Variants in NR2C1 observed in about 807,000 individuals in gnomAD.
NR2C1 encodes TR2 nuclear hormone receptor.
A neutral mutation model predicts 74.8 loss-of-function variants in NR2C1; 33 were observed. That is an observed-to-expected ratio of 0.44 (90% confidence interval 0.33 to 0.59). The LOEUF (loss-of-function observed/expected upper bound fraction) is 0.59. Among genes scored for constraint, NR2C1 ranks in the 20% least tolerant of loss-of-function variants. The pLI is 0.02. For missense variants in NR2C1, 568 were observed against 715.6 expected (o/e 0.79, Z 2.35); for synonymous variants, 225 against 240.6 (o/e 0.94, Z 0.60).
intron 12 of NR2C1, chr12:95,028,179 T>C (rs1232842910): frequency 6.4e-6 from 3 of 472,300 alleles, no homozygotes; most frequent in African/African-American, 4.1e-5. Flanking sequence ...CATTCTTGCA[T>C]AGATATATAT....
chr12:95,068,835 T>C (rs916666065), intron 1 of NR2C1, among the ~76,000 whole-genome samples: 1 of 147,152 alleles, frequency 6.8e-6, no homozygotes, highest in South Asian at 2.1e-4. Flanking sequence ...TGGTGGCGGG[T>C]GCCCGTAATC....
intron 9 of NR2C1, among the ~76,000 whole-genome samples, chr12:95,044,660 C>T (rs947285108): frequency 2.0e-5 from 3 of 151,844 alleles, no homozygotes; most frequent in South Asian, 4.2e-4. Context: ...CCGAGGTGGG[C>T]GGATCATTGG....
chr12:95,057,061 A>C (rs1006951606), intron 7 of NR2C1, among the ~76,000 whole-genome samples: 3 of 151,238 alleles, frequency 2.0e-5, no homozygotes, highest in African/African-American at 7.3e-5. Flanking sequence ...TTCATGTTGA[A>C]GGGATAATCA....
intron 3 of NR2C1, among the ~76,000 whole-genome samples, chr12:95,060,424 C>T (rs1330416513): frequency 1.3e-5 from 2 of 152,162 alleles, no homozygotes; most frequent in South Asian, 2.1e-4. Flanking sequence ...GAGGCTGAGG[C>T]GGGCAGATCA....
chr12:95,036,340 G>A (rs1449965535), intron 10 of NR2C1, among the ~76,000 whole-genome samples: 1 of 150,946 alleles, frequency 6.6e-6, no homozygotes, highest in Admixed American at 6.6e-5. Context: ...TGGGAGGCTC[G>A]GCTGGGAGAA....
At chr12:95,030,022 C>T (rs1335366400) in intron 11 of NR2C1, among the ~76,000 whole-genome samples, 1 of 152,080 alleles carries the variant, frequency 6.6e-6, no homozygotes, top group Admixed American at 6.6e-5. Flanking sequence ...TATAGGCATG[C>T]GCTACCATGG....
intron 9 of NR2C1, among the ~76,000 whole-genome samples, chr12:95,048,271 T>A (rs1872552968): frequency 6.6e-6 from 1 of 152,176 alleles, no homozygotes; most frequent in South Asian, 2.1e-4. Context: ...ATTAAGATGA[T>A]ACATAACAAA....
Position 95,049,039 on chromosome 12 carries a change from T to G in NR2C1, c.1131+29A>C, listed in dbSNP as rs76941968. ...TAGATCAAAATCAAGCAACACAACA[T>G]ACAAGTTAAAAAAAACATATAGAAA... is the stretch of plus-strand genomic sequence containing the variant. On this transcript the variant is annotated intron_variant, in intron 9 of 13. Transcript: ENST00000333003. 2.3e-3 allele frequency: 3,695 copies of G among 1,599,206 alleles called. 56 individuals carry two copies. In the African/African-American group the frequency reaches 0.043, roughly 19 times the overall value.
intron 10 of NR2C1, among the ~76,000 whole-genome samples, chr12:95,039,133 A>C (rs1871212322): frequency 6.6e-6 from 1 of 152,200 alleles, no homozygotes; most frequent in African/African-American, 2.4e-5. Flanking sequence ...AAGGACTAAC[A>C]ATCATTTTAA....
At chr12:95,047,728 G>A (rs756889307) in intron 9 of NR2C1, among the ~76,000 whole-genome samples, 1 of 152,154 alleles carries the variant, frequency 6.6e-6, no homozygotes, top group Non-Finnish European at 1.5e-5. Context: ...ATCTTGCTAA[G>A]AGTATCCACA....
At chr12:95,053,586 G>A (rs1873350623) in intron 7 of NR2C1, among the ~76,000 whole-genome samples, 1 of 151,234 alleles carries the variant, frequency 6.6e-6, no homozygotes, top group East Asian at 1.9e-4. Flanking sequence ...CTAACCTAAT[G>A]AGAAGCCTTT....
chr12:95,072,297 C>A (rs12230413), intron 1 of NR2C1, among the ~76,000 whole-genome samples: 26,351 of 121,050 alleles, frequency 0.22, 2,540 homozygotes, highest in Non-Finnish European at 0.24. Flanking sequence ...AAAACAAAAA[C>A]AAAAAAACTA....
At chr12:95,062,421 T>C (rs532732860) in intron 3 of NR2C1, 87 bp downstream of exon 3, 3 of 843,442 alleles carry the variant, frequency 3.6e-6, no homozygotes, top group African/African-American at 3.4e-5. Context: ...TGAATATACA[T>C]AGATCTAAAG....
At chr12:95,047,716 A>G (rs1420949880) in intron 9 of NR2C1, among the ~76,000 whole-genome samples, 2 of 152,254 alleles carry the variant, frequency 1.3e-5, no homozygotes, top group Non-Finnish European at 2.9e-5. Flanking sequence ...CCCTTTGCAT[A>G]CATCTTGCTA....
At chr12:95,066,944 C>G (rs117264318) in intron 2 of NR2C1, 1 of 191,758 alleles carries the variant, frequency 5.2e-6, no homozygotes, top group South Asian at 1.3e-4. Context: ...AGGACACAAC[C>G]ATTTAAAAAA....
At chr12:95,045,338 A>AT (rs1872178782) in intron 9 of NR2C1, among the ~76,000 whole-genome samples, 1 of 152,218 alleles carries the variant, frequency 6.6e-6, no homozygotes, top group African/African-American at 2.4e-5. Context: ...ACTTAATTTC[A>AT]TAACATATGG....
chr12:95,062,896 A>G, intron 2 of NR2C1, 158 bp from the exon 3 acceptor site: 2 of 625,120 alleles, frequency 3.2e-6, no homozygotes, highest in Non-Finnish European at 5.6e-6. Context: ...TCCTACAGAA[A>G]TAAACAAATG....
At chr12:95,044,434 ATTT>A (rs57195159) in intron 9 of NR2C1, among the ~76,000 whole-genome samples, 1 of 141,614 alleles carries the variant, frequency 7.1e-6, no homozygotes. Context: ...CACCCGGCTA[ATTT>A]TTTTTTTTTT....
At chr12:95,063,401 G>C (rs1875093605) in intron 2 of NR2C1, among the ~76,000 whole-genome samples, 1 of 152,172 alleles carries the variant, frequency 6.6e-6, no homozygotes, top group African/African-American at 2.4e-5. Context: ...CAGAAGGGAA[G>C]ACAGGGATTA....
Sources: allele counts gnomAD v4.1 joint callset (sites outside exome capture counted in the v4.1 genomes callset), GRCh38; gene constraint gnomAD v4.1.1; transcripts MANE v1.5; gene names NCBI Gene and HGNC (gene_info 2026-07-23, HGNC 2026-07-21).